The following MYO1B variants were observed in gnomAD, a reference collection of about 807,000 sequenced individuals.
The protein encoded by MYO1B is unconventional myosin-Ib.
A neutral mutation model predicts 159.7 loss-of-function variants in MYO1B; 72 were observed. That is an observed-to-expected ratio of 0.45 (90% CI 0.37 to 0.55). MYO1B has a LOEUF of 0.55. Ranked by LOEUF, MYO1B falls within the 20% of genes least tolerant of loss-of-function variation. MYO1B has a pLI of 0.00. For missense variants in MYO1B, 1,062 were observed against 1,364.8 expected (o/e 0.78, Z 3.50); for synonymous variants, 468 against 473.8 (o/e 0.99, Z 0.16).
At chr2:191,257,924 ATAGT>A (rs1293496802) in intron 1 of MYO1B, among the ~76,000 whole-genome samples, 4 of 152,198 alleles carry the variant, frequency 2.6e-5, no homozygotes, top group African/African-American at 9.6e-5. Context: ...AATATTTATG[ATAGT>A]TCTTTTTCTG....
chr2:191,256,580 CAAAA>C (rs1407683724), intron 1 of MYO1B, among the ~76,000 whole-genome samples: 1 of 151,744 alleles, frequency 6.6e-6, no homozygotes, highest in East Asian at 1.9e-4. Flanking sequence ...AGAAAGATGG[CAAAA>C]AAAGAAACCA....
rs759959366 is a variant in MYO1B, at chr2:191,364,186, C to T, written c.942C>T (p.Gly314=). The T allele has an allele frequency of 6.2e-7, 1 of 1,613,912 alleles. No homozygotes were observed. Among genetic ancestry groups the T allele is most frequent in the South Asian group, 1.1e-5 (1 of 91,072 alleles). The change falls in exon 11 of 31, where the codon GGC becomes GGT. Residue 314 remains glycine (G), a synonymous_variant. Coordinates refer to ENST00000392318, the MANE Select transcript of MYO1B (RefSeq NM_001130158.3). ...TAAAAGAAATTTGTGAATTGACCGG[C>T]ATTGATCAATCAGTTCTAGAACGAG... ...NELKEICELT[G]IDQSVLERAF... is the part of the protein sequence containing the mutation.
At chr2:191,408,341 C>T in intron 25 of MYO1B, 152 bp downstream of exon 25, 1 of 593,324 alleles carries the variant, frequency 1.7e-6, no homozygotes, top group South Asian at 2.3e-5. Flanking sequence ...AGTTAGTTAT[C>T]TTTTAAAATC....
At chr2:191,408,566 T>C (rs1697070075) in intron 25 of MYO1B, among the ~76,000 whole-genome samples, 1 of 152,188 alleles carries the variant, frequency 6.6e-6, no homozygotes, top group Non-Finnish European at 1.5e-5. Flanking sequence ...GGAGCCAGGC[T>C]GTGCAGCTCC....
intron 1 of MYO1B, among the ~76,000 whole-genome samples, chr2:191,271,821 C>T (rs1056510149): frequency 1.3e-5 from 2 of 152,138 alleles, no homozygotes; most frequent in South Asian, 4.1e-4. Context: ...AATTACCATG[C>T]TGGATGTGCT....
At chr2:191,390,955 G>A (rs1228815496) in intron 18 of MYO1B, among the ~76,000 whole-genome samples, 2 of 152,248 alleles carry the variant, frequency 1.3e-5, no homozygotes, top group Non-Finnish European at 2.9e-5. Context: ...ATTACTGCTA[G>A]GAGAGCTGGA....
chr2:191,370,065 A>G (rs1205789074), intron 12 of MYO1B, among the ~76,000 whole-genome samples, 162 bp from the exon 13 acceptor site: 1 of 152,230 alleles, frequency 6.6e-6, no homozygotes, highest in African/African-American at 2.4e-5. Flanking sequence ...AAAGAGTTCT[A>G]TACCAATGCC....
At chr2:191,386,107 C>A in intron 16 of MYO1B, 23 bp downstream of exon 16, 1 of 1,611,490 alleles carries the variant, frequency 6.2e-7, no homozygotes, top group South Asian at 1.1e-5. Context: ...TGTGAGCACC[C>A]AGTCAGGCCT....
intron 8 of MYO1B, among the ~76,000 whole-genome samples, chr2:191,360,968 T>G (rs1470283467): frequency 6.6e-6 from 1 of 152,206 alleles, no homozygotes; most frequent in Non-Finnish European, 1.5e-5. Context: ...TAAAACATAC[T>G]CCATATGCTT....
intron 24 of MYO1B, among the ~76,000 whole-genome samples, chr2:191,405,126 A>T (rs1404697015): frequency 7.2e-5 from 11 of 152,202 alleles, no homozygotes; most frequent in Non-Finnish European, 1.5e-4. Flanking sequence ...CTTTGTTGTC[A>T]TTTCAGCAGT....
chr2:191,398,322 G>C (rs1175206439), intron 21 of MYO1B, among the ~76,000 whole-genome samples: 1 of 123,642 alleles, frequency 8.1e-6, no homozygotes, highest in Non-Finnish European at 1.8e-5. Context: ...CCTGGGCTGG[G>C]CGGCTGGCCG....
intron 7 of MYO1B, among the ~76,000 whole-genome samples, chr2:191,357,510 A>C (rs1190996358): frequency 6.6e-6 from 1 of 152,326 alleles, no homozygotes; most frequent in Non-Finnish European, 1.5e-5. Context: ...TATAAACTTA[A>C]ATTTGTATCT....
intron 2 of MYO1B, among the ~76,000 whole-genome samples, chr2:191,287,287 A>G (rs2125781890): frequency 6.6e-6 from 1 of 152,178 alleles, no homozygotes; most frequent in Non-Finnish European, 1.5e-5. Context: ...CAGCAAGTTG[A>G]GAGGCCGAGG....
intron 24 of MYO1B, among the ~76,000 whole-genome samples, chr2:191,404,963 T>C (rs939580791): frequency 6.6e-6 from 1 of 152,242 alleles, no homozygotes; most frequent in Non-Finnish European, 1.5e-5. Context: ...ATTTGCCACA[T>C]AGATTGACTT....
chr2:191,402,862 C>CA, intron 24 of MYO1B, 144 bp downstream of exon 24: 1 of 598,618 alleles, frequency 1.7e-6, no homozygotes, highest in Non-Finnish European at 2.8e-6. Context: ...GTACCTTTTT[C>CA]AGAAGAAACC....
At chr2:191,341,433 G>C (rs1156439380) in intron 4 of MYO1B, 28 bp from the exon 5 acceptor site, 1 of 1,590,426 alleles carries the variant, frequency 6.3e-7, no homozygotes, top group African/African-American at 1.4e-5. Flanking sequence ...CTGTGTTATT[G>C]ATTAATATGG....
chr2:191,381,296 G>C, intron 13 of MYO1B, 166 bp from the exon 14 acceptor site: 1 of 695,658 alleles, frequency 1.4e-6, no homozygotes, highest in Non-Finnish European at 2.6e-6. Context: ...CACTCCTCGA[G>C]TGCCTGCAAT....
chr2:191,400,328 T>C, intron 21 of MYO1B, 54 bp from the exon 22 acceptor site: 2 of 1,579,434 alleles, frequency 1.3e-6, no homozygotes, highest in Non-Finnish European at 1.7e-6. Context: ...TTCAAGTCAC[T>C]GTCAATTCCT....
intron 25 of MYO1B, 66 bp downstream of exon 25, chr2:191,408,255 T>C: frequency 8.6e-7 from 1 of 1,157,578 alleles, no homozygotes; most frequent in Non-Finnish European, 1.3e-6. Context: ...TATCACCAAC[T>C]CCATAAAATG....
Sources: gnomAD v4.1 joint callset for allele counts (sites outside exome capture counted in the v4.1 genomes callset) on GRCh38, gnomAD v4.1.1 for gene constraint, MANE v1.5 for transcripts, NCBI Gene and HGNC (gene_info 2026-07-23, HGNC 2026-07-21) for gene names.